The following GRIA4 variants were observed in gnomAD, a reference collection of about 807,000 sequenced individuals.
The protein encoded by GRIA4 is glutamate ionotropic receptor AMPA type subunit 4, also known as glutamate receptor 4.
A neutral mutation model predicts 104.0 loss-of-function variants in GRIA4; 34 were observed. The ratio of observed to expected loss-of-function variants is 0.33; its 90% confidence interval spans 0.25 to 0.44. The LOEUF (loss-of-function observed/expected upper bound fraction) is 0.44. Among genes scored for constraint, GRIA4 ranks in the 20% least tolerant of loss-of-function variants. The pLI, the probability that GRIA4 is intolerant of heterozygous loss-of-function variation, is 1.00. For synonymous variants in GRIA4, 386 were observed against 381.9 expected (o/e 1.01, Z -0.13); for missense variants, 750 against 1,096.5 (o/e 0.68, Z 4.46).
chr11:105,836,598 G>A (rs1944197211), intron 4 of GRIA4, among the ~76,000 whole-genome samples: 1 of 152,070 alleles, frequency 6.6e-6, no homozygotes, highest in Non-Finnish European at 1.5e-5. Context: ...AATACTATCT[G>A]TACCATCATA....
chr11:105,884,484 C>G (rs975755814), intron 5 of GRIA4, among the ~76,000 whole-genome samples: 1 of 152,212 alleles, frequency 6.6e-6, no homozygotes, highest in Non-Finnish European at 1.5e-5. Flanking sequence ...GATTGTAAAT[C>G]GAATTTTTTC....
intron 4 of GRIA4, among the ~76,000 whole-genome samples, chr11:105,845,796 C>G (rs1171580759): frequency 1.3e-5 from 2 of 151,996 alleles, no homozygotes; most frequent in Admixed American, 6.6e-5. Context: ...AGGCAGGAGC[C>G]TCAGGAATGA....
chr11:105,930,403 G>T (rs1947838487), intron 13 of GRIA4, among the ~76,000 whole-genome samples: 1 of 151,832 alleles, frequency 6.6e-6, no homozygotes, highest in Non-Finnish European at 1.5e-5. Flanking sequence ...CATTTCTAGT[G>T]TACTAAACCC....
Position 105,912,251 on chromosome 11 carries a change from C to T in GRIA4, c.1269+1706C>T. On this transcript the variant is annotated intron_variant, in intron 10 of 16. Coordinates refer to ENST00000282499, the MANE Select transcript of GRIA4 (RefSeq NM_000829.4). ...GTAGATTTTCTATAAGTAAATATCT[C>T]GGAATTTGTGTGCTTGTTTTCTGAA... is the stretch of plus-strand genomic sequence containing the variant. 5.1e-6 allele frequency: 5 copies of T among 978,808 alleles called. No homozygotes were observed. In the South Asian group the frequency reaches 1.9e-4, roughly 37 times the overall value. The allele number at this position is 978,808 out of a possible 1,614,324, so 60.6% of individuals were successfully genotyped here.
chr11:105,784,701 T>C (rs1941880202), intron 4 of GRIA4, among the ~76,000 whole-genome samples: 1 of 152,232 alleles, frequency 6.6e-6, no homozygotes, highest in African/African-American at 2.4e-5. Flanking sequence ...TTTAAAATTT[T>C]ACAAGTCTTT....
intron 16 of GRIA4, among the ~76,000 whole-genome samples, chr11:105,976,870 G>C (rs969652252): frequency 6.6e-6 from 1 of 151,942 alleles, no homozygotes; most frequent in Middle Eastern, 3.2e-3. Context: ...TTTTATGGAA[G>C]ATACAGATGA....
At chr11:105,727,385 T>C (rs1938280535) in intron 3 of GRIA4, among the ~76,000 whole-genome samples, 5 of 151,960 alleles carry the variant, frequency 3.3e-5, no homozygotes, top group Admixed American at 3.3e-4. Context: ...TGGGACTATG[T>C]GAAAAGACTA....
At chr11:105,784,479 G>A (rs1020359562) in intron 4 of GRIA4, among the ~76,000 whole-genome samples, 14 of 152,202 alleles carry the variant, frequency 9.2e-5, no homozygotes, top group Non-Finnish European at 1.8e-4. Flanking sequence ...TGCCGTGAGT[G>A]CAGGAGTCTG....
chr11:105,749,808 C>A (rs1462025459), intron 3 of GRIA4, among the ~76,000 whole-genome samples: 1 of 152,100 alleles, frequency 6.6e-6, no homozygotes, highest in Non-Finnish European at 1.5e-5. Flanking sequence ...GTTAGTGAAA[C>A]AGAACACAGA....
At chr11:105,837,512 G>A (rs895949572) in intron 4 of GRIA4, among the ~76,000 whole-genome samples, 14 of 152,076 alleles carry the variant, frequency 9.2e-5, no homozygotes, top group African/African-American at 3.4e-4. Context: ...AGATAAAGGA[G>A]GTAGATCTTT....
intron 4 of GRIA4, among the ~76,000 whole-genome samples, chr11:105,758,462 T>G (rs1416512112): frequency 2.0e-5 from 3 of 152,162 alleles, no homozygotes; most frequent in African/African-American, 7.2e-5. Flanking sequence ...GGCCCACAAC[T>G]TCCTTAAAGC....
chr11:105,881,641 C>A lies in GRIA4; in HGVS notation c.673-5878C>A, dbSNP rs139450068. 1.6e-4 allele frequency among the ~76,000 whole-genome samples: 24 copies of A among 152,166 alleles called. No individual in the cohort carries two copies. The East Asian group carries it at 4.4e-3, about 28-fold the overall frequency. On this transcript the variant is annotated intron_variant, in intron 5 of 16. Transcript: ENST00000282499. ...TCTCTCCGTCCTCCAAAAAAGAGTT[C>A]TTCCTAATTAGAAACTTCCATAATT...
At chr11:105,782,338 C>CA (rs1941765509) in intron 4 of GRIA4, among the ~76,000 whole-genome samples, 1 of 152,164 alleles carries the variant, frequency 6.6e-6, no homozygotes, top group African/African-American at 2.4e-5. Flanking sequence ...ATTCAATTTT[C>CA]AAAAGTTTTC....
At chr11:105,751,173 G>T (rs1398810434) in intron 3 of GRIA4, among the ~76,000 whole-genome samples, 2 of 152,154 alleles carry the variant, frequency 1.3e-5, no homozygotes, top group Non-Finnish European at 2.9e-5. Context: ...TGTCAGTAGA[G>T]TGAAATACAA....
intron 3 of GRIA4, among the ~76,000 whole-genome samples, chr11:105,637,462 A>AT (rs1281439775): frequency 7.5e-6 from 1 of 133,092 alleles, no homozygotes; most frequent in Admixed American, 8.7e-5. Context: ...TTGTTAGCAC[A>AT]ATTTTTTGTA....
At chr11:105,653,387 G>C (rs1951738461) in intron 3 of GRIA4, among the ~76,000 whole-genome samples, 1 of 152,132 alleles carries the variant, frequency 6.6e-6, no homozygotes, top group African/African-American at 2.4e-5. Flanking sequence ...TGATAACTCA[G>C]AAAGCTACTG....
intron 4 of GRIA4, among the ~76,000 whole-genome samples, chr11:105,768,883 A>G (rs1357613224): frequency 6.6e-6 from 1 of 152,134 alleles, no homozygotes; most frequent in Non-Finnish European, 1.5e-5. Flanking sequence ...AGAAGACCCC[A>G]TATCAGATTT....
At chr11:105,960,079 G>T (rs749633688) in intron 14 of GRIA4, among the ~76,000 whole-genome samples, 10 of 152,186 alleles carry the variant, frequency 6.6e-5, no homozygotes, top group Non-Finnish European at 1.0e-4. Flanking sequence ...CCTGTTGGAG[G>T]GTCTCATTCA....
At chr11:105,955,767 C>T (rs1948571695) in intron 14 of GRIA4, among the ~76,000 whole-genome samples, 1 of 152,194 alleles carries the variant, frequency 6.6e-6, no homozygotes. Flanking sequence ...TTCTCCACAG[C>T]CTTGCCAGCA....
Sources: gnomAD v4.1 joint callset for allele counts (sites outside exome capture counted in the v4.1 genomes callset) on GRCh38, gnomAD v4.1.1 for gene constraint, MANE v1.5 for transcripts, NCBI Gene and HGNC (gene_info 2026-07-23, HGNC 2026-07-21) for gene names.